Variants in SUCLG2 observed in about 807,000 individuals in gnomAD.
SUCLG2 encodes succinate--CoA ligase [GDP-forming] subunit beta, mitochondrial.
Under a neutral mutation model 47.9 loss-of-function variants are expected in SUCLG2, and 42 were observed. That is an observed-to-expected ratio of 0.88 (90% confidence interval 0.69 to 1.14). SUCLG2 has a LOEUF of 1.14. Among genes scored for constraint, SUCLG2 ranks in the 50% most tolerant of loss-of-function variants. The pLI is 0.00. For synonymous variants in SUCLG2, 195 were observed against 197.3 expected (o/e 0.99, Z 0.10); for missense variants, 571 against 525.9 (o/e 1.09, Z -0.84).
At chr3:67,401,208 T>C (rs1203842552) in intron 9 of SUCLG2, among the ~76,000 whole-genome samples, 1 of 152,206 alleles carries the variant, frequency 6.6e-6, no homozygotes, top group East Asian at 1.9e-4. Flanking sequence ...ATTTAGGTTT[T>C]TTTCCTCCAC....
rs146621939 is a variant in SUCLG2 at position 67,611,973 on chromosome 3, A to T, written c.85-2377T>A. 2.0e-5 allele frequency among the ~76,000 whole-genome samples: 3 copies of T among 152,338 alleles called. No individual in the cohort carries two copies. The East Asian group carries it at 5.8e-4, about 29-fold the overall frequency. ...ACTCCACAAAGGAATTCTTTTACAG[A>T]ATAATCACCTATTTTTGTCAATCCA... On this transcript the variant is annotated intron_variant, in intron 1 of 10. Transcript: ENST00000307227.
At chr3:67,426,407 T>G (rs1703302594) in intron 9 of SUCLG2, among the ~76,000 whole-genome samples, 1 of 152,210 alleles carries the variant, frequency 6.6e-6, no homozygotes, top group Admixed American at 6.5e-5. Context: ...ATTAAAACTC[T>G]TCATTTCAAA....
At chr3:67,635,199 T>C (rs1334239400) in intron 1 of SUCLG2, among the ~76,000 whole-genome samples, 1 of 152,222 alleles carries the variant, frequency 6.6e-6, no homozygotes. Flanking sequence ...CCAGTAATTG[T>C]GCAAAAGAGG....
At chr3:67,588,648 T>C (rs941645154) in intron 2 of SUCLG2, among the ~76,000 whole-genome samples, 1 of 152,192 alleles carries the variant, frequency 6.6e-6, no homozygotes, top group South Asian at 2.1e-4. Context: ...GTATTTATGC[T>C]CAGAGCTCTC....
intron 7 of SUCLG2, among the ~76,000 whole-genome samples, chr3:67,508,201 C>T (rs533178240): frequency 9.2e-5 from 14 of 152,096 alleles, no homozygotes; most frequent in Admixed American, 7.9e-4. Flanking sequence ...GGGGCTTTAC[C>T]AAGGTGATAT....
intron 9 of SUCLG2, among the ~76,000 whole-genome samples, chr3:67,409,375 G>T (rs1575677074): frequency 6.6e-6 from 1 of 152,190 alleles, no homozygotes; most frequent in East Asian, 1.9e-4. Flanking sequence ...AATTCTAATG[G>T]TGAGACATCA....
At chr3:67,394,685 C>T (rs922484105) in intron 10 of SUCLG2, among the ~76,000 whole-genome samples, 2 of 150,936 alleles carry the variant, frequency 1.3e-5, no homozygotes, top group African/African-American at 4.9e-5. Context: ...CTCAAAGATA[C>T]TCCTCGAGAA....
chr3:67,644,507 T>G (rs960621824), intron 1 of SUCLG2, among the ~76,000 whole-genome samples: 1 of 151,994 alleles, frequency 6.6e-6, no homozygotes, highest in African/African-American at 2.4e-5. Flanking sequence ...TAGCATTGAA[T>G]AGGTACAGAG....
At chr3:67,530,718 AAC>A (rs1706381544) in intron 2 of SUCLG2, among the ~76,000 whole-genome samples, 1 of 152,216 alleles carries the variant, frequency 6.6e-6, no homozygotes, top group African/African-American at 2.4e-5. Flanking sequence ...CTCAGAAGCA[AAC>A]ACAGTTTTTT....
intron 7 of SUCLG2, among the ~76,000 whole-genome samples, chr3:67,501,221 T>C (rs1330934406): frequency 6.6e-6 from 1 of 152,208 alleles, no homozygotes; most frequent in African/African-American, 2.4e-5. Flanking sequence ...GTAATTTATT[T>C]AGAGGACTTA....
chr3:67,440,818 G>A (rs1703741371), intron 9 of SUCLG2, among the ~76,000 whole-genome samples: 1 of 152,148 alleles, frequency 6.6e-6, no homozygotes, highest in Admixed American at 6.5e-5. Context: ...AAGACAGTGT[G>A]GTAATTCCTC....
At chr3:67,542,682 G>A (rs1019164626) in intron 2 of SUCLG2, among the ~76,000 whole-genome samples, 3 of 152,024 alleles carry the variant, frequency 2.0e-5, no homozygotes, top group Non-Finnish European at 4.4e-5. Context: ...CCTAGTCTGG[G>A]GTAAAACAGA....
At chr3:67,590,582 C>G (rs1708133946) in intron 2 of SUCLG2, among the ~76,000 whole-genome samples, 1 of 152,158 alleles carries the variant, frequency 6.6e-6, no homozygotes, top group South Asian at 2.1e-4. Context: ...CCCTCTCTCA[C>G]CATGTGACAT....
At chr3:67,461,057 G>A (rs1218096338) in intron 9 of SUCLG2, among the ~76,000 whole-genome samples, 1 of 152,136 alleles carries the variant, frequency 6.6e-6, no homozygotes, top group Admixed American at 6.6e-5. Flanking sequence ...TTCATGAGTC[G>A]TACCTTTCCT....
At chr3:67,431,683 A>T (rs1401750871) in intron 9 of SUCLG2, among the ~76,000 whole-genome samples, 1 of 151,644 alleles carries the variant, frequency 6.6e-6, no homozygotes, top group Non-Finnish European at 1.5e-5. Context: ...GTGGGAACTG[A>T]ACAATCAGAA....
At chr3:67,440,168 G>A (rs552646774) in intron 9 of SUCLG2, among the ~76,000 whole-genome samples, 2 of 152,218 alleles carry the variant, frequency 1.3e-5, no homozygotes, top group South Asian at 4.1e-4. Context: ...TTGGAAAACT[G>A]GCTAGCCATA....
At chr3:67,499,594 T>C (rs1705442522) in intron 7 of SUCLG2, among the ~76,000 whole-genome samples, 1 of 152,082 alleles carries the variant, frequency 6.6e-6, no homozygotes, top group Non-Finnish European at 1.5e-5. Context: ...ATACATACAA[T>C]CAGGGAGAGA....
Position 67,520,642 on chromosome 3 carries a change from A to T in SUCLG2, c.418-8T>A, listed in dbSNP as rs749822782. ...GGCTTCAGCAACCATCACCTACCACATTAGTGGGAAAGTCAAATTAATTCA... is the reference window on the plus strand; with the variant it reads ...GGCTTCAGCAACCATCACCTACCACTTTAGTGGGAAAGTCAAATTAATTCA... On this transcript the variant is annotated splice_region_variant and splice_polypyrimidine_tract_variant and intron_variant, in intron 4 of 10. Transcript: ENST00000307227. 9.2e-5 allele frequency: 147 copies of T among 1,597,596 alleles called. No individual in the cohort carries two copies. The highest frequency in any genetic ancestry group is 1.3e-4 in the Non-Finnish European group (147 of 1,174,772).
chr3:67,440,065 G>T (rs1703720341), intron 9 of SUCLG2, among the ~76,000 whole-genome samples: 2 of 152,062 alleles, frequency 1.3e-5, no homozygotes, highest in South Asian at 4.1e-4. Flanking sequence ...AAAGCCCTCA[G>T]AAATAACGCC....
Sources: allele counts gnomAD v4.1 joint callset (sites outside exome capture counted in the v4.1 genomes callset), GRCh38; gene constraint gnomAD v4.1.1; transcripts MANE v1.5; gene names NCBI Gene and HGNC (gene_info 2026-07-23, HGNC 2026-07-21).